Variants in SAP130 observed in about 807,000 individuals in gnomAD.
SAP130 encodes histone deacetylase complex subunit SAP130.
SAP130 carries 16 observed loss-of-function variants against 103.2 expected under a neutral mutation model. The ratio of observed to expected loss-of-function variants is 0.16; its 90% CI spans 0.10 to 0.24. The LOEUF (loss-of-function observed/expected upper bound fraction) is 0.24, where lower values mean the gene tolerates loss of function less well. Ranked by LOEUF, SAP130 falls within the 10% of genes least tolerant of loss-of-function variation. SAP130 has a pLI of 1.00. For missense variants in SAP130, 990 were observed against 1,359.7 expected, an observed-to-expected ratio of 0.73 and a Z score of 4.28; for synonymous variants, 477 against 497.0, an observed-to-expected ratio of 0.96 and a Z score of 0.53.
At chr2:128,027,505 C>A (rs943060727) in intron 1 of SAP130, among the ~76,000 whole-genome samples, 5 of 152,134 alleles carry the variant, frequency 3.3e-5, no homozygotes, top group Non-Finnish European at 4.4e-5. Context: ...GCGCCCCCGG[C>A]GAAGGGGGCG....
intron 5 of SAP130, among the ~76,000 whole-genome samples, chr2:128,013,849 G>A (rs1462600064): frequency 6.6e-6 from 1 of 152,160 alleles, no homozygotes; most frequent in Non-Finnish European, 1.5e-5. Flanking sequence ...AAGATCGCTT[G>A]TGCCCCAGAA....
chr2:128,015,601 G>A (rs1684714456), intron 4 of SAP130, among the ~76,000 whole-genome samples: 2 of 152,114 alleles, frequency 1.3e-5, no homozygotes, highest in Admixed American at 1.3e-4. Flanking sequence ...GAGTAGGATT[G>A]CAAAATTTCA....
At chr2:127,985,609 ATTTG>A (rs1682320131) in intron 14 of SAP130, among the ~76,000 whole-genome samples, 1 of 152,072 alleles carries the variant, frequency 6.6e-6, no homozygotes. Context: ...ACACTTCAGA[ATTTG>A]TTTGCCCACA....
chr2:127,953,168 A>G lies in SAP130; in HGVS notation c.2422+1818T>C, dbSNP rs1479656144. On this transcript the variant is annotated intron_variant, in intron 16 of 20. Coordinates refer to ENST00000643581, the MANE Select transcript of SAP130 (RefSeq NM_001330301.2). The surrounding 1 kb of genome is among the most constrained non-coding windows in gnomAD (Gnocchi z 4.0). ...CCTGCAGGCTTTCCTAATTCAGCCAATGGCAACTCTATGGCTTCCAGTTGC... is the reference window on the plus strand; with the variant it reads ...CCTGCAGGCTTTCCTAATTCAGCCAGTGGCAACTCTATGGCTTCCAGTTGC... Among the ~76,000 whole-genome samples, 3 of 152,222 alleles carry G rather than the reference A, an allele frequency of 2.0e-5. No homozygotes were observed.
In SAP130 at chr2:128,028,047, G is replaced by A. The variant is rs899159325; in HGVS notation, c.-114C>T. The A allele has an allele frequency of 1.0e-4, 95 of 904,822 alleles. No homozygotes were observed. The highest frequency in any genetic ancestry group is 1.2e-4 in the Non-Finnish European group (91 of 756,204). 56.0% of individuals were successfully genotyped at this position (904,822 alleles called of 1,614,324 possible). On this transcript the variant is annotated 5_prime_UTR_variant, in exon 1 of 21. Transcript: ENST00000643581. Reference sequence around the variant, plus strand: ...CTCCGGACCCGCAGCCACCGCCGGGGAGCTAGCACTCTGCCCCCCACCCCT... The same window carrying A: ...CTCCGGACCCGCAGCCACCGCCGGGAAGCTAGCACTCTGCCCCCCACCCCT...
intron 15 of SAP130, among the ~76,000 whole-genome samples, chr2:127,957,562 G>A (rs1679931011): frequency 6.6e-6 from 1 of 151,730 alleles, no homozygotes; most frequent in Non-Finnish European, 1.5e-5. Flanking sequence ...TGGTCCTAGC[G>A]ACTCTGGAGG....
chr2:127,943,732 TGA>T (rs1417327955), intron 19 of SAP130, among the ~76,000 whole-genome samples: 2 of 152,230 alleles, frequency 1.3e-5, no homozygotes, highest in African/African-American at 4.8e-5. Context: ...TTGCTCTGTG[TGA>T]GTCAGTGGGT....
rs1274805414 is a variant in SAP130 at position 128,027,343 on chromosome 2, C to A, written c.-7+597G>T. 20 of 1,154,052 alleles carry A rather than the reference C, an allele frequency of 1.7e-5. No homozygotes were observed. The East Asian group carries it at 6.7e-4, about 39-fold the overall frequency. 71.5% of individuals were successfully genotyped at this position (1,154,052 alleles called of 1,614,324 possible). A position where few individuals can be genotyped will look rare whatever the true frequency, so the allele number is the denominator to read the frequency against. On this transcript the variant is annotated intron_variant, in intron 1 of 20. Transcript: ENST00000643581. ...CCCCGCCCGCCCATTGGCCCCACGC[C>A]CGACGCGTCAGTGGAGGCCCAGGAC...
At chr2:128,016,334 G>T in intron 4 of SAP130, 55 bp downstream of exon 4, 1 of 1,554,088 alleles carries the variant, frequency 6.4e-7, no homozygotes, top group Non-Finnish European at 8.8e-7. Context: ...AATAAATCAT[G>T]ATCAACAGTT....
intron 7 of SAP130, among the ~76,000 whole-genome samples, chr2:128,004,882 C>A (rs1683847450): frequency 6.6e-6 from 1 of 152,098 alleles, no homozygotes; most frequent in African/African-American, 2.4e-5. Flanking sequence ...AGTATATAGT[C>A]CAGGCTACAA....
Position 127,950,342 on chromosome 2 carries a change from A to G in SAP130, c.2489T>C (p.Met830Thr), listed in dbSNP as rs1167899441. 3 of 1,614,196 alleles carry G rather than the reference A, an allele frequency of 1.9e-6. No homozygotes were observed. Among genetic ancestry groups the G allele is most frequent in the South Asian group, 1.1e-5 (1 of 91,090 alleles). ...ACCAGGTGGTAGGTCACTTGTAGGC[A>G]TGGACAAGTTGTTTGCCAGCAATGC... is the stretch of plus-strand genomic sequence containing the variant. ...SLALLANNLS[M>T]PTSDLPPGAS... Residue 830 changes from methionine to threonine, a missense_variant, in exon 17 of 21, where the codon ATG (methionine) becomes ACG (threonine). Coordinates refer to ENST00000643581, the MANE Select transcript of SAP130 (RefSeq NM_001330301.2).
At chr2:128,024,198 G>A (rs1186753405) in intron 2 of SAP130, among the ~76,000 whole-genome samples, 2 of 151,994 alleles carry the variant, frequency 1.3e-5, no homozygotes, top group Non-Finnish European at 2.9e-5. Context: ...CTAAGTTGGC[G>A]GCCACCCAAG....
chr2:128,018,527 T>C (rs1001066468), intron 2 of SAP130, among the ~76,000 whole-genome samples: 2 of 148,316 alleles, frequency 1.3e-5, no homozygotes, highest in African/African-American at 5.1e-5. Flanking sequence ...TGCAGTGGCT[T>C]GCACCTGCAA....
At chr2:128,016,654 A>G in intron 3 of SAP130, 107 bp from the exon 4 acceptor site, 1 of 1,234,540 alleles carries the variant, frequency 8.1e-7, no homozygotes, top group Non-Finnish European at 1.1e-6. Context: ...GCCAGGAAAG[A>G]TGCCGTAAGC....
At position 127,996,957 on chromosome 2, in the gene SAP130, G is replaced by GA. The variant is rs1418438838; in HGVS notation, c.1214-467dup. On this transcript the variant is annotated intron_variant, in intron 10 of 20. Transcript: ENST00000643581. This position sits in a 1 kb window ranked among gnomAD's most constrained non-coding sequence, Gnocchi z 4.3. Reference sequence around the variant, plus strand: ...ACACACAATTTTGGATTAAAAAACGGAAAAAACAAACAAACAAAAAACCTT... The same window carrying GA: ...ACACACAATTTTGGATTAAAAAACGGAAAAAAACAAACAAACAAAAAACCTT... 6.6e-6 allele frequency among the ~76,000 whole-genome samples: 1 copy of GA among 151,770 alleles called. No homozygotes were observed. Among genetic ancestry groups the GA allele is most frequent in the African/African-American group, 2.4e-5 (1 of 41,318 alleles).
chr2:127,972,825 T>C (rs1201771310), intron 15 of SAP130, among the ~76,000 whole-genome samples: 2 of 152,034 alleles, frequency 1.3e-5, no homozygotes, highest in African/African-American at 2.4e-5. Context: ...TCCCAGCTAC[T>C]CAGGAGGCTA....
chr2:127,950,153 C>A lies in SAP130; in HGVS notation c.2671+7G>T, dbSNP rs765865745. ...CATCATAACACAAGTCAGCCTGTGACCATTACCAATATACTCCTTGGGAGG... is the reference window on the plus strand; with the variant it reads ...CATCATAACACAAGTCAGCCTGTGAACATTACCAATATACTCCTTGGGAGG... On this transcript the variant is annotated splice_region_variant and intron_variant, in intron 17 of 20. Coordinates refer to ENST00000643581, the MANE Select transcript of SAP130 (RefSeq NM_001330301.2). 4.3e-6 allele frequency: 7 copies of A among 1,614,168 alleles called. No homozygotes were observed. Among genetic ancestry groups the A allele is most frequent in the Non-Finnish European group, 5.9e-6 (7 of 1,180,014 alleles).
At chr2:127,943,186 A>C (rs1346858567) in intron 19 of SAP130, among the ~76,000 whole-genome samples, 1 of 152,194 alleles carries the variant, frequency 6.6e-6, no homozygotes, top group Non-Finnish European at 1.5e-5. Context: ...AGAAGTAGCC[A>C]AGGCACTACA....
intron 7 of SAP130, among the ~76,000 whole-genome samples, chr2:128,005,650 C>CTTT (rs774112498): frequency 1.4e-5 from 2 of 143,628 alleles, no homozygotes; most frequent in Non-Finnish European, 1.5e-5. Context: ...GTTTTTCTTT[C>CTTT]TTTTTTTTTT....
Sources: allele counts gnomAD v4.1 joint callset (sites outside exome capture counted in the v4.1 genomes callset), GRCh38; gene constraint gnomAD v4.1.1; non-coding constraint Gnocchi (gnomAD v3.1); transcripts MANE v1.5; gene names NCBI Gene and HGNC (gene_info 2026-07-23, HGNC 2026-07-21).